The following ABCC4 variants were observed in gnomAD, a reference collection of about 807,000 sequenced individuals.
The protein encoded by ABCC4 is ATP-binding cassette sub-family C member 4.
ABCC4 carries 102 observed loss-of-function variants against 168.5 expected under a neutral mutation model. The observed-to-expected ratio is 0.61, with a 90% CI of 0.52 to 0.71. ABCC4 has a LOEUF of 0.71. ABCC4 is among the 30% of genes least tolerant of loss of function. The pLI, the probability that ABCC4 is intolerant of heterozygous loss-of-function variation, is 0.00. For synonymous variants in ABCC4, 617 were observed against 590.7 expected (o/e 1.04, Z -0.65); for missense variants, 1,402 against 1,605.8 (o/e 0.87, Z 2.17).
intron 4 of ABCC4, among the ~76,000 whole-genome samples, chr13:95,223,301 A>T (rs1304394538): frequency 6.6e-6 from 1 of 152,250 alleles, no homozygotes; most frequent in Admixed American, 6.5e-5. Flanking sequence ...ACTCAGGGCA[A>T]TAAAGAAAGC....
At chr13:95,065,914 C>T (rs2033521876) in intron 25 of ABCC4, among the ~76,000 whole-genome samples, 1 of 152,210 alleles carries the variant, frequency 6.6e-6, no homozygotes, top group Non-Finnish European at 1.5e-5. Context: ...TGGCTTCAGG[C>T]CTTCAGCGTC....
At chr13:95,239,406 T>G (rs531566865) in intron 3 of ABCC4, among the ~76,000 whole-genome samples, 3 of 152,332 alleles carry the variant, frequency 2.0e-5, no homozygotes, top group African/African-American at 7.2e-5. Flanking sequence ...ATGTTTATCT[T>G]TAAATATAAA....
intron 21 of ABCC4, among the ~76,000 whole-genome samples, chr13:95,076,224 G>T (rs2139317708): frequency 6.6e-6 from 1 of 152,316 alleles, no homozygotes. Flanking sequence ...GCCCAGCCAA[G>T]ATGTCTCTGA....
chr13:95,025,241 ACACACC>A (rs2031390305), intron 30 of ABCC4, among the ~76,000 whole-genome samples: 1 of 39,188 alleles, frequency 2.6e-5, no homozygotes, highest in Non-Finnish European at 4.4e-5. Flanking sequence ...ACCCATACAC[ACACACC>A]CACACACACA....
At chr13:95,113,768 CG>C (rs2035282585) in intron 20 of ABCC4, among the ~76,000 whole-genome samples, 2 of 152,138 alleles carry the variant, frequency 1.3e-5, no homozygotes, top group Non-Finnish European at 1.5e-5. Context: ...GAGAAAGGCT[CG>C]GCACACAAAG....
intron 7 of ABCC4, among the ~76,000 whole-genome samples, chr13:95,207,285 C>T (rs1401517246): frequency 6.6e-6 from 1 of 152,232 alleles, no homozygotes; most frequent in Non-Finnish European, 1.5e-5. Context: ...GCCTCAGCCT[C>T]CCAAAGTTCT....
intron 1 of ABCC4, among the ~76,000 whole-genome samples, chr13:95,272,353 A>G (rs2040868021): frequency 6.6e-6 from 1 of 152,092 alleles, no homozygotes; most frequent in Non-Finnish European, 1.5e-5. Context: ...TTGTGCACAT[A>G]AAGTGTCTGT....
intron 4 of ABCC4, among the ~76,000 whole-genome samples, chr13:95,222,530 TG>T (rs2039336881): frequency 1.3e-5 from 2 of 152,124 alleles, no homozygotes; most frequent in Admixed American, 1.3e-4. Context: ...CAGAAGGCTG[TG>T]GGGTGGGGGT....
rs1003604579 is a variant in ABCC4 at position 95,242,473 on chromosome 13, G to A, written c.306+4502C>T. 7.2e-5 allele frequency among the ~76,000 whole-genome samples: 11 copies of A among 152,028 alleles called. No homozygotes were observed. In the South Asian group the frequency reaches 1.5e-3, roughly 20 times the overall value. On this transcript the variant is annotated intron_variant, in intron 3 of 30. Transcript: ENST00000645237. ...GAACTCCTGACCTTGTGATCCGCCCGCCTTGGCCTCCCAAAGTGCTGGGAT... is the reference window on the plus strand; with the variant it reads ...GAACTCCTGACCTTGTGATCCGCCCACCTTGGCCTCCCAAAGTGCTGGGAT...
intron 30 of ABCC4, among the ~76,000 whole-genome samples, chr13:95,026,845 T>TG (rs2031571612): frequency 6.6e-6 from 1 of 150,776 alleles, no homozygotes; most frequent in South Asian, 2.1e-4. Flanking sequence ...GCTATGATTG[T>TG]GCCACTGCAC....
At chr13:95,191,576 TCA>T (rs2038252655) in intron 9 of ABCC4, among the ~76,000 whole-genome samples, 1 of 152,242 alleles carries the variant, frequency 6.6e-6, no homozygotes, top group Non-Finnish European at 1.5e-5. Context: ...TGTCACAAAT[TCA>T]CAAAGTCTTG....
chr13:95,052,624 C>T, intron 27 of ABCC4, among the ~76,000 whole-genome samples: 1 of 152,056 alleles, frequency 6.6e-6, no homozygotes, highest in Admixed American at 6.5e-5. Context: ...ATTATTATCC[C>T]ATTCCAACTG....
intron 19 of ABCC4, among the ~76,000 whole-genome samples, chr13:95,131,517 T>G (rs1244311143): frequency 6.6e-6 from 1 of 151,932 alleles, no homozygotes; most frequent in Non-Finnish European, 1.5e-5. Context: ...TAATCCCAGC[T>G]ATTCGGGAGG....
chr13:95,075,525 A>T lies in ABCC4; in HGVS notation c.2713T>A (p.Ser905Thr), dbSNP rs758681520. Reference protein sequence around the residue: ...TTRSPVFSHLSSSLQGLWTIR... With the variant: ...TTRSPVFSHLTSSLQGLWTIR... The stretch of plus-strand genomic sequence containing the variant: ...GTCCAGAGCCCCTGGAGAGAAGATG[A>T]TAAGTGGGAAAACACTGGACTCCGA... The change falls in exon 22 of 31, where the codon TCA (serine) becomes ACA (threonine). Residue 905 changes from serine (S) to threonine (T), a missense_variant. Physicochemically the swap from Ser to Thr is moderately conservative, Grantham distance 58 (BLOSUM62 1). Coordinates refer to ENST00000645237, the MANE Select transcript of ABCC4 (RefSeq NM_005845.5). 4 of 1,613,998 alleles carry T rather than the reference A, an allele frequency of 2.5e-6. No homozygotes were observed. The highest frequency in any genetic ancestry group is 1.7e-5 in the Admixed American group (1 of 59,990).
chr13:95,105,438 C>A (rs1399201303), intron 20 of ABCC4, among the ~76,000 whole-genome samples: 1 of 152,066 alleles, frequency 6.6e-6, no homozygotes, highest in Non-Finnish European at 1.5e-5. Context: ...CTCCCTAGAG[C>A]ACTAATTAGC....
At chr13:95,260,784 A>C (rs1350640697) in intron 1 of ABCC4, among the ~76,000 whole-genome samples, 1 of 152,080 alleles carries the variant, frequency 6.6e-6, no homozygotes, top group Non-Finnish European at 1.5e-5. Flanking sequence ...AATGTTTTTA[A>C]GCTACTTTGT....
intron 25 of ABCC4, among the ~76,000 whole-genome samples, chr13:95,064,501 GTGTA>G (rs1459097484): frequency 1.7e-5 from 1 of 57,376 alleles, no homozygotes; most frequent in Non-Finnish European, 3.9e-5. Flanking sequence ...ACACACACAC[GTGTA>G]TGTGTGTATG....
In ABCC4 at chr13:95,086,471, GA is replaced by G. The variant is rs1158495181; in HGVS notation, c.2536-3182del. Among the ~76,000 whole-genome samples the G allele has an allele frequency of 3.3e-5, 5 of 152,238 alleles. No individual in the cohort carries two copies. The East Asian group carries it at 9.6e-4, about 29-fold the overall frequency. On this transcript the variant is annotated intron_variant, in intron 20 of 30. Coordinates refer to ENST00000645237, the MANE Select transcript of ABCC4 (RefSeq NM_005845.5). ...AAATTTCCCCCGGCAGACTCTTCTA[GA>G]ATTAATTTTGTATCCGAACATTACA...
intron 19 of ABCC4, among the ~76,000 whole-genome samples, chr13:95,120,771 G>T (rs1296517720): frequency 6.6e-6 from 1 of 152,160 alleles, no homozygotes; most frequent in Non-Finnish European, 1.5e-5. Context: ...CCAAAGAGCA[G>T]AGTCTATCAA....
Sources: allele counts gnomAD v4.1 joint callset (sites outside exome capture counted in the v4.1 genomes callset), GRCh38; gene constraint gnomAD v4.1.1; transcripts MANE v1.5; gene names NCBI Gene and HGNC (gene_info 2026-07-23, HGNC 2026-07-21).